The following CELA1 variants were observed in gnomAD, a reference collection of about 807,000 sequenced individuals.
CELA1 encodes the protein chymotrypsin like elastase 1, also known as chymotrypsin-like elastase family member 1.
CELA1 carries 28 observed loss-of-function variants against 34.8 expected under a neutral mutation model. That is an observed-to-expected ratio of 0.80 (90% CI 0.60 to 1.10). CELA1 has a LOEUF of 1.10. Among genes scored for constraint, CELA1 ranks in the 50% least tolerant of loss-of-function variants. CELA1 has a pLI of 0.00. For missense variants in CELA1, 288 were observed against 327.5 expected (o/e 0.88, Z 0.93); for synonymous variants, 140 against 129.8 (o/e 1.08, Z -0.53).
chr12:51,338,022 G>A (rs1054864924), intron 6 of CELA1, among the ~76,000 whole-genome samples: 7 of 151,222 alleles, frequency 4.6e-5, no homozygotes, highest in Non-Finnish European at 7.4e-5. Context: ...TCAGGAGTCC[G>A]AGACCAGCCA....
chr12:51,345,416 G>C (rs1045991972), intron 2 of CELA1, among the ~76,000 whole-genome samples: 2 of 152,228 alleles, frequency 1.3e-5, no homozygotes, highest in African/African-American at 4.8e-5. Context: ...GTGTGTGCGC[G>C]CACATGCGTG....
At chr12:51,332,012 C>A (rs1167402330) in intron 6 of CELA1, among the ~76,000 whole-genome samples, 1 of 151,756 alleles carries the variant, frequency 6.6e-6, no homozygotes, top group Non-Finnish European at 1.5e-5. Flanking sequence ...CCGAGACCCC[C>A]ATCTCTATTA....
In CELA1 at chr12:51,342,617, ATCT is replaced by A. The variant is rs1300626076; in HGVS notation, c.281_283del (p.Lys94del). The A allele has an allele frequency of 6.2e-7, 1 of 1,614,034 alleles. No individual in the cohort carries two copies. The highest frequency in any genetic ancestry group is 1.1e-5 in the South Asian group (1 of 91,074). ...GCTGTTCCAGTATGGATGCACCACGATCTTCTGCACACTCACGTACTGCTCAGT... is the reference window on the plus strand; with the variant it reads ...GCTGTTCCAGTATGGATGCACCACGATCTGCACACTCACGTACTGCTCAGT... On this transcript the variant is annotated inframe_deletion, in exon 4 of 8. Transcript: ENST00000293636.
chr12:51,339,962 G>C lies in CELA1; in HGVS notation c.507C>G (p.Pro169=). Residue 169 remains proline, a synonymous_variant, in exon 6 of 8, where the codon CCC becomes CCG. Coordinates refer to ENST00000293636, the MANE Select transcript of CELA1 (RefSeq NM_001971.6). The part of the protein sequence containing the change: ...LAQTLQQAYL[P]SVDYAICSSS... The stretch of plus-strand genomic sequence containing the variant: ...TGGAGCAGATGGCGTAGTCCACAGA[G>C]GGCAGGTAAGCCTGCTGCAGGGTCT... 15 of 1,614,116 alleles carry C rather than the reference G, an allele frequency of 9.3e-6. No individual in the cohort carries two copies. Among genetic ancestry groups the C allele is most frequent in the Non-Finnish European group, 1.3e-5 (15 of 1,179,990 alleles).
intron 6 of CELA1, among the ~76,000 whole-genome samples, chr12:51,337,923 A>AATATATATAT (rs151299974): frequency 1.1e-4 from 16 of 148,608 alleles, no homozygotes; most frequent in African/African-American, 4.0e-4. Context: ...AAAAAAAACA[A>AATATATATAT]ATATATATAT....
chr12:51,334,886 A>G (rs779491577), intron 6 of CELA1, among the ~76,000 whole-genome samples: 24 of 152,102 alleles, frequency 1.6e-4, no homozygotes, highest in Non-Finnish European at 3.4e-4. Context: ...TCATATATCC[A>G]TGTGGTCGTA....
intron 6 of CELA1, among the ~76,000 whole-genome samples, chr12:51,330,399 C>T (rs1222765843): frequency 6.6e-6 from 1 of 152,202 alleles, no homozygotes; most frequent in Non-Finnish European, 1.5e-5. Context: ...TCTTGCCTCC[C>T]TTCTTACTCA....
chr12:51,335,454 C>T (rs1209134447), intron 6 of CELA1, among the ~76,000 whole-genome samples: 1 of 152,022 alleles, frequency 6.6e-6, no homozygotes, highest in Non-Finnish European at 1.5e-5. Flanking sequence ...TGGTGTTTCA[C>T]CATGCTGGCC....
At position 51,341,287 on chromosome 12, in the gene CELA1, AG is replaced by A. The variant is rs367740383; in HGVS notation, c.419del (p.Ala140ValfsTer47). 333 of 1,614,176 alleles carry A rather than the reference AG, an allele frequency of 2.1e-4. 7 individuals are homozygous for A. The East Asian group carries it at 3.2e-3, about 16-fold the overall frequency. ...GVLPQEGAIL[A>X]NNSPCYITGW... is the part of the protein sequence containing the mutation. Reference sequence around the variant, plus strand: ...CTGTGATGTAGCAGGGACTGTTGTTAGCCAGGATGGCTCCCTCCTGGGGCAG... The same window carrying A: ...CTGTGATGTAGCAGGGACTGTTGTTACCAGGATGGCTCCCTCCTGGGGCAG... On this transcript the variant is annotated frameshift_variant, in exon 5 of 8. Coordinates refer to ENST00000293636, the MANE Select transcript of CELA1 (RefSeq NM_001971.6). LOFTEE classifies it high-confidence loss of function.
chr12:51,342,787 T>A, intron 3 of CELA1, 87 bp from the exon 4 acceptor site: 1 of 1,425,906 alleles, frequency 7.0e-7, no homozygotes, highest in Non-Finnish European at 9.4e-7. Flanking sequence ...AACCATCTTT[T>A]TTTTTAATCA....
At chr12:51,330,863 G>T (rs17860355) in intron 6 of CELA1, among the ~76,000 whole-genome samples, 2,102 of 150,968 alleles carry the variant, frequency 0.014, 25 homozygotes, top group Non-Finnish European at 0.021. Flanking sequence ...CCAGCTACTC[G>T]GGAGGCTGAG....
At chr12:51,329,904 G>A (rs1404306736) in intron 6 of CELA1, 71 bp from the exon 7 acceptor site, 9 of 1,408,184 alleles carry the variant, frequency 6.4e-6, no homozygotes, top group East Asian at 2.4e-5. Flanking sequence ...CCCCGCCCCC[G>A]TCTCTGGTTG....
At chr12:51,346,112 A>C in intron 1 of CELA1, among the ~76,000 whole-genome samples, 1 of 150,320 alleles carries the variant, frequency 6.7e-6, no homozygotes, top group African/African-American at 2.5e-5. Flanking sequence ...GCTATGAAGG[A>C]CCTCTCTCAA....
chr12:51,342,301 T>C (rs1023880488), intron 4 of CELA1, among the ~76,000 whole-genome samples: 4 of 152,272 alleles, frequency 2.6e-5, no homozygotes, highest in African/African-American at 9.6e-5. Flanking sequence ...TCCCAAAGTG[T>C]TGGGATTATA....
chr12:51,335,803 A>C (rs562263515), intron 6 of CELA1, among the ~76,000 whole-genome samples: 15 of 151,830 alleles, frequency 9.9e-5, no homozygotes, highest in Non-Finnish European at 2.2e-4. Context: ...CATCCAGCTA[A>C]TTTTTAAAAT....
Position 51,342,696 on chromosome 12 carries a change from T to G in CELA1, c.205A>C (p.Lys69Gln). 6.2e-7 allele frequency: 1 copy of G among 1,614,140 alleles called. No homozygotes were observed. The highest frequency in any genetic ancestry group is 1.1e-5 in the South Asian group (1 of 91,076). Reference protein sequence around the residue: ...MTAAHCVDYQKTFRVVAGDHN... With the variant: ...MTAAHCVDYQQTFRVVAGDHN... ...TCTCCAGCCACCACGCGGAAAGTCT[T>G]CTGGCTGGCGTGAGAGAAGGAATCC... Residue 69 changes from lysine to glutamine, a missense_variant, in exon 4 of 8, where the codon AAG becomes CAG. By Grantham distance (53) the Lys-to-Gln change is moderately conservative. Transcript: ENST00000293636.
chr12:51,341,949 A>T (rs1946538164), intron 4 of CELA1, among the ~76,000 whole-genome samples: 1 of 152,222 alleles, frequency 6.6e-6, no homozygotes, highest in East Asian at 1.9e-4. Context: ...AGAACATTAA[A>T]ATCTGCAGAG....
chr12:51,330,113 A>G (rs1946461472), intron 6 of CELA1, among the ~76,000 whole-genome samples: 1 of 152,192 alleles, frequency 6.6e-6, no homozygotes, highest in Non-Finnish European at 1.5e-5. Context: ...GCTTCCTGAG[A>G]CAAAAACTCT....
chr12:51,332,897 G>C (rs1018224040), intron 6 of CELA1, among the ~76,000 whole-genome samples: 1 of 151,900 alleles, frequency 6.6e-6, no homozygotes, highest in African/African-American at 2.4e-5. Flanking sequence ...AAAAAAACTA[G>C]GGAAAGAGAC....
Sources: allele counts gnomAD v4.1 joint callset (sites outside exome capture counted in the v4.1 genomes callset), GRCh38; gene constraint gnomAD v4.1.1; transcripts MANE v1.5; gene names NCBI Gene and HGNC (gene_info 2026-07-23, HGNC 2026-07-21).